Variants in CTBP2 observed in about 807,000 individuals in gnomAD.
The protein encoded by CTBP2 is C-terminal binding protein 2, also known as C-terminal-binding protein 2.
CTBP2 carries 30 observed loss-of-function variants against 80.3 expected under a neutral mutation model. That is an observed-to-expected ratio of 0.37 (90% confidence interval 0.28 to 0.51). The LOEUF is 0.51. CTBP2 is among the 20% of genes least tolerant of loss of function. The pLI is 0.93. For missense variants in CTBP2, 1,212 were observed against 1,375.3 expected, an observed-to-expected ratio of 0.88 and a Z score of 1.88; for synonymous variants, 594 against 587.4, an observed-to-expected ratio of 1.01 and a Z score of -0.16.
At chr10:125,135,197 C>T (rs1457854659) in intron 1 of CTBP2, among the ~76,000 whole-genome samples, 1 of 152,028 alleles carries the variant, frequency 6.6e-6, no homozygotes, top group Non-Finnish European at 1.5e-5. Context: ...CTACAAAAGC[C>T]CAACCACCAG....
intron 2 of CTBP2, among the ~76,000 whole-genome samples, chr10:125,053,602 C>T (rs1468708938): frequency 6.6e-6 from 1 of 152,086 alleles, no homozygotes; most frequent in Non-Finnish European, 1.5e-5. Flanking sequence ...AGGGGTGAGG[C>T]TAATAGGTTT....
At chr10:125,006,026 C>T (rs919852541) in intron 1 of CTBP2, 46 of 1,414,708 alleles carry the variant, frequency 3.3e-5, no homozygotes, top group African/African-American at 2.0e-4. Flanking sequence ...GATGTCCATC[C>T]GCAGCATCAT....
chr10:125,149,604 C>T (rs954047517), intron 1 of CTBP2, among the ~76,000 whole-genome samples: 1 of 152,186 alleles, frequency 6.6e-6, no homozygotes, highest in Non-Finnish European at 1.5e-5. Context: ...AGAGCCCCAG[C>T]GGAAACCAAG....
intron 2 of CTBP2, among the ~76,000 whole-genome samples, chr10:125,045,592 G>A (rs1224457268): frequency 6.6e-6 from 1 of 152,026 alleles, no homozygotes; most frequent in African/African-American, 2.4e-5. Context: ...TCCACTTCTC[G>A]AGTTCAAGTG....
rs760861366 is a variant in CTBP2, at chr10:125,026,719, A to G, written c.1041T>C (p.Asn347=). ...GCAGCTGCATTTCGGTCCTGCAGCT[A>G]TTGGCCAGGCGGCTCAGAACACGGG... Residue 347 remains asparagine, a synonymous_variant, in exon 1 of 9, where the codon AAT becomes AAC. Transcript: ENST00000309035. 2 of 1,612,832 alleles carry G rather than the reference A, an allele frequency of 1.2e-6. No individual in the cohort carries two copies. The highest frequency in any genetic ancestry group is 1.7e-4 in the Middle Eastern group (1 of 6,060).
intron 1 of CTBP2, among the ~76,000 whole-genome samples, chr10:125,130,069 CAG>C (rs989846793): frequency 4.6e-4 from 67 of 145,886 alleles, no homozygotes; most frequent in African/African-American, 1.7e-3. Flanking sequence ...TCTTTTGAGA[CAG>C]AGTTTCACTC....
intron 2 of CTBP2, among the ~76,000 whole-genome samples, chr10:125,041,076 C>G (rs1959603034): frequency 6.6e-6 from 1 of 152,098 alleles, no homozygotes; most frequent in Non-Finnish European, 1.5e-5. Context: ...ATTGGTTTTG[C>G]TAGTGTTGGC....
chr10:124,998,360 C>T, intron 3 of CTBP2, 190 bp from the exon 6 acceptor site: 1 of 630,924 alleles, frequency 1.6e-6, no homozygotes, highest in Non-Finnish European at 2.7e-6. Context: ...GAAGCTCTAG[C>T]CCCAACATCT....
At position 124,985,231 on chromosome 10, in the gene CTBP2, CT is replaced by C. The variant is rs558467101; in HGVS notation, c.*4286del. The C allele has an allele frequency of 3.1e-4, 130 of 418,756 alleles. No individual in the cohort carries two copies. In the East Asian group the frequency reaches 4.7e-3, roughly 15 times the overall value. The allele number at this position is 418,756 out of a possible 1,614,324, so 25.9% of individuals were successfully genotyped here. On this transcript the variant is annotated 3_prime_UTR_variant, in exon 9 of 9. Coordinates refer to ENST00000309035, the MANE Select transcript of CTBP2 (RefSeq NM_022802.3). ...AAAAACTAATTTTATTAAGACAGAA[CT>C]TTTTTTCCTTCCAAATTGTAAATCT...
chr10:125,092,236 C>G (rs1848882357), intron 2 of CTBP2, among the ~76,000 whole-genome samples: 1 of 130,544 alleles, frequency 7.7e-6, no homozygotes, highest in East Asian at 2.4e-4. Context: ...GGCTGGAGTA[C>G]AGTGGCATGA....
Position 124,988,624 on chromosome 10 carries a change from A to C in CTBP2, c.*894T>G, listed in dbSNP as rs983646320. ...AAATCTAATAGGATTTGTTAAAATC[A>C]GTCACATCTAATACATCTGAAGTGT... is the stretch of plus-strand genomic sequence containing the variant. On this transcript the variant is annotated 3_prime_UTR_variant, in exon 9 of 9. Coordinates refer to ENST00000309035, the MANE Select transcript of CTBP2 (RefSeq NM_022802.3). 6.6e-6 allele frequency: 1 copy of C among 152,532 alleles called. No homozygotes were observed. 9.4% of individuals were successfully genotyped at this position (152,532 alleles called of 1,614,324 possible).
At chr10:125,059,216 T>G (rs557389265) in intron 2 of CTBP2, among the ~76,000 whole-genome samples, 1 of 152,254 alleles carries the variant, frequency 6.6e-6, no homozygotes, top group South Asian at 2.1e-4. Context: ...TGGGTTTTGT[T>G]GGCTTATAGA....
chr10:125,060,271 C>A (rs374163254), intron 2 of CTBP2, among the ~76,000 whole-genome samples: 1 of 152,106 alleles, frequency 6.6e-6, no homozygotes, highest in Non-Finnish European at 1.5e-5. Flanking sequence ...TGGAGCTGAG[C>A]GGGTTACTCT....
chr10:125,148,450 G>C (rs1190603855), intron 1 of CTBP2, among the ~76,000 whole-genome samples: 3 of 152,182 alleles, frequency 2.0e-5, no homozygotes, highest in African/African-American at 7.2e-5. Context: ...CGCTGCTCTA[G>C]AAAACAAAAG....
At chr10:125,093,264 C>T (rs369699867) in intron 2 of CTBP2, among the ~76,000 whole-genome samples, 4 of 152,316 alleles carry the variant, frequency 2.6e-5, no homozygotes, top group Admixed American at 6.5e-5. Context: ...TGGGGACATC[C>T]ACAGGAACCC....
At chr10:125,045,005 C>T (rs1960872326) in intron 2 of CTBP2, among the ~76,000 whole-genome samples, 1 of 152,196 alleles carries the variant, frequency 6.6e-6, no homozygotes, top group Non-Finnish European at 1.5e-5. Flanking sequence ...GGACCGAATG[C>T]TTGTGTACCC....
At chr10:125,109,391 G>A (rs936486729) in intron 2 of CTBP2, among the ~76,000 whole-genome samples, 11 of 152,160 alleles carry the variant, frequency 7.2e-5, no homozygotes, top group Admixed American at 7.2e-4. Flanking sequence ...ACCCAACACT[G>A]GAACTATCTT....
At chr10:125,021,052 A>G (rs1956984889) in intron 1 of CTBP2, among the ~76,000 whole-genome samples, 1 of 152,198 alleles carries the variant, frequency 6.6e-6, no homozygotes, top group South Asian at 2.1e-4. Context: ...CTCCATGGAC[A>G]GAATGAAATC....
intron 2 of CTBP2, among the ~76,000 whole-genome samples, chr10:125,083,291 T>C (rs1197952958): frequency 3.9e-5 from 6 of 152,136 alleles, no homozygotes; most frequent in Non-Finnish European, 8.8e-5. Flanking sequence ...CAGAAAAGCC[T>C]CTCTTGATTT....
Sources: gnomAD v4.1 joint callset for allele counts (sites outside exome capture counted in the v4.1 genomes callset) on GRCh38, gnomAD v4.1.1 for gene constraint, MANE v1.5 for transcripts, NCBI Gene and HGNC (gene_info 2026-07-23, HGNC 2026-07-21) for gene names.